PVT1: variants seen among roughly 807,000 people sequenced by gnomAD.
The protein encoded by PVT1 is CXCR4/PVT1 fusion.
At chr8:128,008,444 G>A (rs1372280693) in intron 4 of PVT1, among the ~76,000 whole-genome samples, 1 of 152,182 alleles carries the variant, frequency 6.6e-6, no homozygotes, top group East Asian at 1.9e-4. Context: ...AAAAATGTAT[G>A]TTCCCACAGG....
intron 2 of PVT1, among the ~76,000 whole-genome samples, chr8:127,870,795 G>C (rs1017518320): frequency 3.3e-5 from 5 of 152,172 alleles, no homozygotes; most frequent in Non-Finnish European, 4.4e-5. Context: ...AGTTGTCTGG[G>C]TCAAGGCAAT....
At chr8:128,057,238 T>G (rs1813772246) in intron 4 of PVT1, among the ~76,000 whole-genome samples, 1 of 151,968 alleles carries the variant, frequency 6.6e-6, no homozygotes, top group South Asian at 2.1e-4. Context: ...GCATTAATAC[T>G]GTATACAAAC....
At chr8:127,835,897 C>T (rs1367886107) in intron 2 of PVT1, among the ~76,000 whole-genome samples, 3 of 152,198 alleles carry the variant, frequency 2.0e-5, no homozygotes. Flanking sequence ...CTTCCAGCCT[C>T]ATCAAGTGGT....
At chr8:127,976,572 C>T (rs1816824820) in intron 3 of PVT1, among the ~76,000 whole-genome samples, 1 of 152,150 alleles carries the variant, frequency 6.6e-6, no homozygotes, top group Non-Finnish European at 1.5e-5. Flanking sequence ...TTGTGGAGTA[C>T]AGTTGGAAAG....
intron 2 of PVT1, among the ~76,000 whole-genome samples, chr8:127,873,620 A>G (rs992609202): frequency 6.6e-5 from 10 of 152,076 alleles, no homozygotes; most frequent in Non-Finnish European, 1.5e-4. Context: ...GGGAGTTGTT[A>G]ATTTCTGAGA....
intron 2 of PVT1, among the ~76,000 whole-genome samples, chr8:127,869,685 C>T (rs1815330485): frequency 6.6e-6 from 1 of 152,172 alleles, no homozygotes; most frequent in Non-Finnish European, 1.5e-5. Flanking sequence ...TTGTCATTTA[C>T]AAATTTTACC....
chr8:127,962,174 C>G (rs753553221), intron 3 of PVT1, among the ~76,000 whole-genome samples: 2 of 152,182 alleles, frequency 1.3e-5, no homozygotes, highest in Non-Finnish European at 2.9e-5. Flanking sequence ...ACCATGTTGG[C>G]CAGGATGGTC....
chr8:128,066,534 C>T (rs960359887), intron 4 of PVT1, among the ~76,000 whole-genome samples: 1 of 152,230 alleles, frequency 6.6e-6, no homozygotes, highest in African/African-American at 2.4e-5. Flanking sequence ...AATACTAATA[C>T]AACCTGCAAG....
At chr8:128,056,858 C>T (rs1045342736) in intron 4 of PVT1, among the ~76,000 whole-genome samples, 1 of 152,176 alleles carries the variant, frequency 6.6e-6, no homozygotes, top group Admixed American at 6.5e-5. Context: ...CCCATGCTTG[C>T]CCCAGCAGTA....
At chr8:127,803,350 CGATCTCCT>C (rs1224713311) in intron 2 of PVT1, 1 of 151,996 alleles carries the variant, frequency 6.6e-6, no homozygotes, top group African/African-American at 2.4e-5. Flanking sequence ...AGGATGGTTT[CGATCTCCT>C]GACCTCGTGA....
intron 2 of PVT1, among the ~76,000 whole-genome samples, chr8:127,810,222 T>C (rs1040471680): frequency 2.0e-5 from 3 of 152,228 alleles, no homozygotes; most frequent in Admixed American, 2.0e-4. Context: ...AAAGGCCATA[T>C]CTCTTCCTTT....
intron 3 of PVT1, among the ~76,000 whole-genome samples, chr8:127,925,822 G>A (rs1453793298): frequency 6.6e-6 from 1 of 152,064 alleles, no homozygotes; most frequent in African/African-American, 2.4e-5. Flanking sequence ...TGTATTTTTA[G>A]TAGAGATGGG....
intron 2 of PVT1, among the ~76,000 whole-genome samples, chr8:127,844,782 C>G (rs1043352003): frequency 6.6e-6 from 1 of 151,932 alleles, no homozygotes; most frequent in Non-Finnish European, 1.5e-5. Flanking sequence ...GGCACGATCT[C>G]GGCTCACTGC....
chr8:127,997,744 A>T (rs1817123523), intron 4 of PVT1, among the ~76,000 whole-genome samples: 2 of 152,254 alleles, frequency 1.3e-5, no homozygotes, highest in African/African-American at 4.8e-5. Flanking sequence ...GCCACAATTA[A>T]TGGACCAATA....
At chr8:127,821,681 G>A (rs1458691664) in intron 2 of PVT1, among the ~76,000 whole-genome samples, 2 of 152,008 alleles carry the variant, frequency 1.3e-5, no homozygotes, top group African/African-American at 4.8e-5. Flanking sequence ...GCATGGTGGT[G>A]GGCGCCTGTA....
intron 3 of PVT1, among the ~76,000 whole-genome samples, chr8:127,965,510 C>T (rs564514592): frequency 1.3e-5 from 2 of 152,208 alleles, no homozygotes; most frequent in South Asian, 4.1e-4. Context: ...AATGTGGCAT[C>T]GTCCTGGCAC....
intron 3 of PVT1, among the ~76,000 whole-genome samples, chr8:127,981,071 T>G (rs945236065): frequency 6.6e-6 from 1 of 152,154 alleles, no homozygotes; most frequent in Non-Finnish European, 1.5e-5. Flanking sequence ...GCTGGGATTA[T>G]AGACGTGAGC....
At chr8:127,962,043 C>T (rs186943684) in intron 3 of PVT1, among the ~76,000 whole-genome samples, 51 of 152,296 alleles carry the variant, frequency 3.3e-4, no homozygotes, top group African/African-American at 1.2e-3. Flanking sequence ...GGCGCGATCT[C>T]GCCTCACTGC....
chr8:127,938,594 T>G (rs1160025037), intron 3 of PVT1, among the ~76,000 whole-genome samples: 2 of 152,216 alleles, frequency 1.3e-5, no homozygotes, highest in Non-Finnish European at 2.9e-5. Flanking sequence ...CCTTTGGGAT[T>G]CTAACTTTTT....
Sources: allele counts gnomAD v4.1 joint callset (sites outside exome capture counted in the v4.1 genomes callset), GRCh38; gene constraint gnomAD v4.1.1; transcripts MANE v1.5; gene names NCBI Gene and HGNC (gene_info 2026-07-23, HGNC 2026-07-21).